The following EFTUD2 variants were observed in gnomAD, a reference collection of about 807,000 sequenced individuals.
The protein encoded by EFTUD2 is elongation factor Tu GTP binding domain containing 2.
A neutral mutation model predicts 114.3 loss-of-function variants in EFTUD2; 9 were observed. That is an observed-to-expected ratio of 0.08 (90% CI 0.05 to 0.14). The LOEUF (loss-of-function observed/expected upper bound fraction) is 0.14, where lower values mean the gene tolerates loss of function less well. EFTUD2 is among the 10% of genes least tolerant of loss of function. The pLI is 1.00. For missense variants in EFTUD2, 765 were observed against 1,241.2 expected (o/e 0.62, Z 5.76); for synonymous variants, 449 against 462.3 (o/e 0.97, Z 0.37).
intron 16 of EFTUD2, among the ~76,000 whole-genome samples, chr17:44,861,681 C>T (rs1218815978): frequency 6.6e-6 from 1 of 151,848 alleles, no homozygotes; most frequent in African/African-American, 2.4e-5. Context: ...TGCAGTAAGC[C>T]GAGATCACAG....
In EFTUD2 at chr17:44,859,086, G is replaced by A; in HGVS notation, c.1956C>T (p.Asp652=). ...HDLRKMYSEI[D]IKVADPVVTF... is the part of the protein sequence containing the mutation. ...CCGGCAGATACTGCTGTACCTTGAT[G>A]TCTATCTCTGAGTACATCTTCCGCA... Residue 652 remains aspartate, a synonymous_variant, in exon 19 of 28, where the codon GAC becomes GAT. Coordinates refer to ENST00000426333, the MANE Select transcript of EFTUD2 (RefSeq NM_004247.4). 5.6e-6 allele frequency: 9 copies of A among 1,609,504 alleles called. No individual in the cohort carries two copies. The highest frequency in any genetic ancestry group is 7.7e-6 in the Non-Finnish European group (9 of 1,175,768).
chr17:44,873,898 A>ATTTTTTTTTTTTTTTT (rs1054585104), intron 10 of EFTUD2, among the ~76,000 whole-genome samples: 3 of 149,444 alleles, frequency 2.0e-5, no homozygotes, highest in Admixed American at 6.6e-5. Flanking sequence ...AGCCCGGCTA[A>ATTTTTTTTTTTTTTTT]TTTTTTTTGT....
At position 44,857,920 on chromosome 17, in the gene EFTUD2, CTTTTTTT is replaced by C. The variant is rs528299306; in HGVS notation, c.1963-770_1963-764del. ...CTTGGGAGCCTTTATTTTCTTTTTC[CTTTTTTT>C]TTTTTTTTTTTTGAGACAGAGTCTC... On this transcript the variant is annotated intron_variant, in intron 19 of 27. Coordinates refer to ENST00000426333, the MANE Select transcript of EFTUD2 (RefSeq NM_004247.4). 4.7e-5 allele frequency among the ~76,000 whole-genome samples: 6 copies of C among 127,518 alleles called. No homozygotes were observed. In the East Asian group the frequency reaches 1.0e-3, roughly 22 times the overall value. 83.7% of individuals were successfully genotyped at this position (127,518 alleles called of 152,430 possible).
At chr17:44,855,380 G>T (rs994964766) in intron 20 of EFTUD2, among the ~76,000 whole-genome samples, 1 of 152,164 alleles carries the variant, frequency 6.6e-6, no homozygotes, top group African/African-American at 2.4e-5. Context: ...GGCCAACATG[G>T]TGAAACCCCA....
At chr17:44,857,644 A>G (rs2050580205) in intron 19 of EFTUD2, 2 of 183,570 alleles carry the variant, frequency 1.1e-5, no homozygotes, top group African/African-American at 4.7e-5. Context: ...TCCTAGATAC[A>G]TCAGTAGAGG....
intron 1 of EFTUD2, chr17:44,899,151 G>A (rs1389959628): frequency 6.6e-6 from 1 of 152,214 alleles, no homozygotes; most frequent in African/African-American, 2.4e-5. Context: ...AGGCAGCCCC[G>A]AAATCGAGGT....
intron 11 of EFTUD2, 32 bp downstream of exon 11, chr17:44,872,414 G>A: frequency 6.2e-7 from 1 of 1,608,494 alleles, no homozygotes; most frequent in Non-Finnish European, 8.5e-7. Context: ...CTCAGGGGAA[G>A]CTGGTGAGAC....
At chr17:44,878,190 A>G (rs931990959) in intron 9 of EFTUD2, among the ~76,000 whole-genome samples, 2 of 152,222 alleles carry the variant, frequency 1.3e-5, no homozygotes, top group African/African-American at 4.8e-5. Context: ...ACTATTTGCA[A>G]CTATTGTAGG....
intron 10 of EFTUD2, chr17:44,875,644 G>A (rs1289040816): frequency 1.4e-5 from 3 of 211,934 alleles, no homozygotes; most frequent in South Asian, 1.6e-4. Context: ...CCAGAAGTTC[G>A]AGGCTGCAGT....
chr17:44,854,841 G>A lies in EFTUD2; in HGVS notation c.2132+77C>T, dbSNP rs755735051. ...ACATAAATGCTCCCCAGAAAGATGT[G>A]TGCTCTTAGAGACCCGGCAGTTAAA... is the stretch of plus-strand genomic sequence containing the variant. On this transcript the variant is annotated intron_variant, in intron 21 of 27. Transcript: ENST00000426333. The surrounding 1 kb of genome is among the most constrained non-coding windows in gnomAD (Gnocchi z 4.3). 3.6e-4 allele frequency: 558 copies of A among 1,567,122 alleles called. 2 individuals carry two copies. The highest frequency in any genetic ancestry group is 4.2e-4 in the Non-Finnish European group (475 of 1,138,712).
chr17:44,864,598 T>C (rs2050712855), intron 14 of EFTUD2, among the ~76,000 whole-genome samples: 1 of 152,184 alleles, frequency 6.6e-6, no homozygotes, highest in African/African-American at 2.4e-5. Flanking sequence ...CTAGTGCTTT[T>C]TGCACTATTT....
In EFTUD2 at chr17:44,856,130, C is replaced by CAAA. The variant is rs1045415785; in HGVS notation, c.2045+942_2045+944dup. Among the ~76,000 whole-genome samples the CAAA allele has an allele frequency of 3.9e-3, 143 of 36,856 alleles. 1 individual carries two copies. The highest frequency in any genetic ancestry group is 0.019 in the Middle Eastern group (1 of 52). The allele number at this position is 36,856 out of a possible 152,430, so 24.2% of individuals were successfully genotyped here. A position where few individuals can be genotyped will look rare whatever the true frequency, so the allele number is the denominator to read the frequency against. On this transcript the variant is annotated intron_variant, in intron 20 of 27. Transcript: ENST00000426333. ...TGGGTGACGAAGTGAGACCCTGTCT[C>CAAA]AAAAAAAAAAAAAAAAAAAAAAAAG...
In EFTUD2 at chr17:44,880,565, A is replaced by G. The variant is rs1429247876; in HGVS notation, c.608T>C (p.Met203Thr). 9 of 1,613,416 alleles carry G rather than the reference A, an allele frequency of 5.6e-6. No individual in the cohort carries two copies. Among genetic ancestry groups the G allele is most frequent in the Non-Finnish European group, 7.6e-6 (9 of 1,179,542 alleles). Residue 203 changes from methionine (M) to threonine (T), a missense_variant, in exon 8 of 28, where the codon ATG becomes ACG. This residue lies in a region of EFTUD2 where 251 missense variants were observed against 357.7 expected (regional missense o/e 0.70). Transcript: ENST00000426333. ...TKGKSYLFNI[M>T]DTPGHVNFSD... ...AAAGGATGTCCTACCTGGAGTGTCC[A>G]TGATATTGAAGAGATAAGATTTTCC... is the stretch of plus-strand genomic sequence containing the variant.
chr17:44,872,384 A>G, intron 11 of EFTUD2, 62 bp downstream of exon 11: 1 of 1,598,824 alleles, frequency 6.3e-7, no homozygotes, highest in Non-Finnish European at 8.5e-7. Flanking sequence ...TGAGTCATTC[A>G]GCAGGAAAGG....
rs141294012 is a variant in EFTUD2, at chr17:44,896,976, G to A, written c.-5+2393C>T. On this transcript the variant is annotated intron_variant, in intron 1 of 27. Coordinates refer to ENST00000426333, the MANE Select transcript of EFTUD2 (RefSeq NM_004247.4). Reference sequence around the variant, plus strand: ...TCACGCCTGTAATCCCAGCACTTTGGGAGGCTGAGGTGGGTGGATCACGAG... The same window carrying A: ...TCACGCCTGTAATCCCAGCACTTTGAGAGGCTGAGGTGGGTGGATCACGAG... Among the ~76,000 whole-genome samples, 13 of 152,208 alleles carry A rather than the reference G, an allele frequency of 8.5e-5. No homozygotes were observed. In the East Asian group the frequency reaches 2.5e-3, roughly 30 times the overall value.
intron 25 of EFTUD2, 25 bp from the exon 26 acceptor site, chr17:44,852,587 G>A: frequency 6.2e-7 from 1 of 1,612,192 alleles, no homozygotes; most frequent in Non-Finnish European, 8.5e-7. Context: ...CAAAGGCTGA[G>A]CCTCTAGTCA....
intron 20 of EFTUD2, 23 bp downstream of exon 20, chr17:44,857,052 G>A (rs372893019): frequency 3.0e-5 from 48 of 1,602,564 alleles, no homozygotes; most frequent in Admixed American, 1.0e-4. Context: ...TGCAGTCCCA[G>A]GGACACTGTG....
rs1211816889 is a variant in EFTUD2, at chr17:44,872,542, G to C, written c.898C>G (p.Leu300Val). Residue 300 changes from leucine (L) to valine (V), a missense_variant, in exon 11 of 28, where the codon CTT (leucine) becomes GTT (valine). By Grantham distance (32) the Leu-to-Val change is conservative. This residue lies in a region of EFTUD2 where 251 missense variants were observed against 357.7 expected (regional missense o/e 0.70). Coordinates refer to ENST00000426333, the MANE Select transcript of EFTUD2 (RefSeq NM_004247.4). ...CAGACGTTACCCAGGAGTGGGGAAA[G>C]GATCAGGTTCTCATCAGTGGAATAC... ...SMYSTDENLI[L>V]SPLLGNVCFS... The C allele has an allele frequency of 1.9e-6, 3 of 1,612,618 alleles. No homozygotes were observed. Among genetic ancestry groups the C allele is most frequent in the Non-Finnish European group, 2.5e-6 (3 of 1,179,070 alleles).
intron 6 of EFTUD2, among the ~76,000 whole-genome samples, chr17:44,882,724 A>G (rs184402085): frequency 3.8e-4 from 58 of 152,328 alleles, no homozygotes; most frequent in Non-Finnish European, 3.8e-4. Context: ...TTGCAGACAC[A>G]GTTGGCCTCA....
Sources: allele counts gnomAD v4.1 joint callset (sites outside exome capture counted in the v4.1 genomes callset), GRCh38; gene constraint gnomAD v4.1.1; regional missense constraint gnomAD v4.1.1; non-coding constraint Gnocchi (gnomAD v3.1); transcripts MANE v1.5; gene names NCBI Gene and HGNC (gene_info 2026-07-23, HGNC 2026-07-21).